Variants in INTS7 observed in about 807,000 individuals in gnomAD.
INTS7 encodes chromosome 1 open reading frame 73.
INTS7 carries 46 observed loss-of-function variants against 109.2 expected under a neutral mutation model. The observed-to-expected ratio is 0.42, with a 90% CI of 0.33 to 0.54. INTS7 has a LOEUF of 0.54. INTS7 is among the 20% of genes least tolerant of loss of function. The pLI is 0.07. For missense variants in INTS7, 929 were observed against 1,132.4 expected, an observed-to-expected ratio of 0.82 and a Z score of 2.58; for synonymous variants, 412 against 402.9, an observed-to-expected ratio of 1.02 and a Z score of -0.27.
At chr1:212,023,299 T>G (rs1666787331) in intron 1 of INTS7, among the ~76,000 whole-genome samples, 1 of 152,228 alleles carries the variant, frequency 6.6e-6, no homozygotes, top group African/African-American at 2.4e-5. Context: ...GAATGGCAGT[T>G]CTAAGTTCTT....
At chr1:211,951,065 G>T (rs1198779000) in intron 17 of INTS7, among the ~76,000 whole-genome samples, 1 of 152,138 alleles carries the variant, frequency 6.6e-6, no homozygotes, top group Non-Finnish European at 1.5e-5. Flanking sequence ...CCCATCTTTA[G>T]ATCTAACCTA....
chr1:212,021,395 G>A (rs115964279), intron 1 of INTS7, among the ~76,000 whole-genome samples, 183 bp from the exon 2 acceptor site: 3,984 of 151,776 alleles, frequency 0.026, 58 homozygotes, highest in African/African-American at 0.046. Context: ...TCTGGAAATC[G>A]CTACTTTTAG....
At chr1:212,014,549 C>G (rs1469571140) in intron 4 of INTS7, among the ~76,000 whole-genome samples, 1 of 150,860 alleles carries the variant, frequency 6.6e-6, no homozygotes, top group African/African-American at 2.4e-5. Flanking sequence ...TATCCTCTCC[C>G]TCCCCCTCCC....
intron 13 of INTS7, among the ~76,000 whole-genome samples, chr1:211,972,891 A>T (rs900646879): frequency 7.2e-5 from 11 of 152,194 alleles, no homozygotes; most frequent in African/African-American, 2.7e-4. Flanking sequence ...ACTGGCCCTC[A>T]CAGACACCTT....
At chr1:211,963,309 G>A (rs1663726409) in intron 16 of INTS7, among the ~76,000 whole-genome samples, 1 of 151,994 alleles carries the variant, frequency 6.6e-6, no homozygotes, top group Non-Finnish European at 1.5e-5. Context: ...AATCCCTGAT[G>A]AGACAAATAA....
At chr1:211,962,686 C>A (rs573730701) in intron 16 of INTS7, among the ~76,000 whole-genome samples, 1 of 152,248 alleles carries the variant, frequency 6.6e-6, no homozygotes, top group South Asian at 2.1e-4. Context: ...CTTTCTTGGA[C>A]CACAGCACAA....
At chr1:212,012,358 A>G (rs1666199513) in intron 4 of INTS7, among the ~76,000 whole-genome samples, 1 of 152,174 alleles carries the variant, frequency 6.6e-6, no homozygotes, top group East Asian at 1.9e-4. Context: ...AAAACTGATC[A>G]ATACAGATAC....
chr1:211,966,167 T>C (rs939688487), intron 16 of INTS7: 1 of 228,956 alleles, frequency 4.4e-6, no homozygotes, highest in South Asian at 1.5e-4. Context: ...TTTCGTAGTA[T>C]AATTATAATA....
At position 211,978,263 on chromosome 1, in the gene INTS7, G is replaced by A. The variant is rs758730292; in HGVS notation, c.1470+9C>T. ...GTCATTCAAAGGAGATTCAAAATGG[G>A]CTTTTTACCAGAAGTTCTTGTTGCT... On this transcript the variant is annotated intron_variant, in intron 11 of 19. Coordinates refer to ENST00000366994, the MANE Select transcript of INTS7 (RefSeq NM_015434.4). 6.4e-5 allele frequency: 104 copies of A among 1,613,756 alleles called. No individual in the cohort carries two copies. The Admixed American group carries it at 1.7e-3, about 26-fold the overall frequency.
At chr1:211,984,025 G>A (rs1315558316) in intron 8 of INTS7, among the ~76,000 whole-genome samples, 1 of 151,722 alleles carries the variant, frequency 6.6e-6, no homozygotes, top group Non-Finnish European at 1.5e-5. Flanking sequence ...CACCATACCT[G>A]GCTAATTTTG....
intron 17 of INTS7, among the ~76,000 whole-genome samples, chr1:211,950,680 C>T (rs1390696037): frequency 2.0e-5 from 3 of 152,236 alleles, no homozygotes; most frequent in African/African-American, 7.2e-5. Flanking sequence ...ATGTTTTCTA[C>T]TTCATATAAA....
intron 1 of INTS7, among the ~76,000 whole-genome samples, chr1:212,033,389 T>C (rs1667257826): frequency 6.6e-6 from 1 of 152,248 alleles, no homozygotes; most frequent in Non-Finnish European, 1.5e-5. Flanking sequence ...CAAGTCATCT[T>C]TCTGAGCCTG....
chr1:212,025,000 T>G (rs1276099439), intron 1 of INTS7, among the ~76,000 whole-genome samples: 1 of 152,244 alleles, frequency 6.6e-6, no homozygotes, highest in Non-Finnish European at 1.5e-5. Flanking sequence ...CTAATTTGAC[T>G]CTAAATGAAA....
rs1005232798 is a variant in INTS7, at chr1:211,941,721, A to G, written c.*103T>C. The G allele has an allele frequency of 7.5e-6, 11 of 1,464,388 alleles. No homozygotes were observed. Among genetic ancestry groups the G allele is most frequent in the Non-Finnish European group, 1.0e-5 (11 of 1,090,192 alleles). 90.7% of individuals were successfully genotyped at this position (1,464,388 alleles called of 1,614,324 possible). On this transcript the variant is annotated 3_prime_UTR_variant, in exon 20 of 20. Coordinates refer to ENST00000366994, the MANE Select transcript of INTS7 (RefSeq NM_015434.4). ...TTACATTACAAAAATCAATGAATAA[A>G]TGAACTACACTGTAACTTTAATACT...
chr1:211,962,436 G>C (rs1663676954), intron 16 of INTS7, among the ~76,000 whole-genome samples: 1 of 152,140 alleles, frequency 6.6e-6, no homozygotes, highest in Non-Finnish European at 1.5e-5. Flanking sequence ...ATAATGGTGA[G>C]AGAATTCAAC....
At chr1:211,999,731 C>T (rs1296974483) in intron 7 of INTS7, among the ~76,000 whole-genome samples, 2 of 151,840 alleles carry the variant, frequency 1.3e-5, no homozygotes, top group Non-Finnish European at 2.9e-5. Context: ...CATTATTAAA[C>T]GGAAAAAATA....
chr1:211,950,437 A>G lies in INTS7; in HGVS notation c.2316+2132T>C, dbSNP rs1356347842. 2.6e-5 allele frequency among the ~76,000 whole-genome samples: 4 copies of G among 152,228 alleles called. No individual in the cohort carries two copies. In the East Asian group the frequency reaches 7.7e-4, roughly 29 times the overall value. ...CAGGTGCTTGACATCATGCCTGGCT[A>G]ATTTTGGTAGTTTTAGTACAGATGG... On this transcript the variant is annotated intron_variant, in intron 17 of 19. Coordinates refer to ENST00000366994, the MANE Select transcript of INTS7 (RefSeq NM_015434.4).
At chr1:211,988,509 T>A (rs570654648) in intron 7 of INTS7, among the ~76,000 whole-genome samples, 2 of 151,428 alleles carry the variant, frequency 1.3e-5, no homozygotes, top group Admixed American at 6.6e-5. Context: ...ATGTAAACTA[T>A]GTTGATACAT....
rs780667847 is a variant in INTS7 at position 211,942,102 on chromosome 1, C to T, written c.2611G>A (p.Asp871Asn). The T allele has an allele frequency of 4.3e-6, 7 of 1,613,348 alleles. No individual in the cohort carries two copies. The highest frequency in any genetic ancestry group is 5.9e-6 in the Non-Finnish European group (7 of 1,179,478). Reference sequence around the variant, plus strand: ...TGCTCCATCTCATTGGTCATGTTGTCAATGGGTATCTGCAATGAAACAATT... The same window carrying T: ...TGCTCCATCTCATTGGTCATGTTGTTAATGGGTATCTGCAATGAAACAATT... ...KSGQDYKIPI[D>N]NMTNEMEQRV... The change falls in exon 20 of 20, where the codon GAC (aspartate) becomes AAC (asparagine). Residue 871 changes from aspartate to asparagine, a missense_variant. Asp to Asn is a conservative substitution (Grantham distance 23). Transcript: ENST00000366994. This position sits in a 1 kb window ranked among gnomAD's most constrained non-coding sequence, Gnocchi z 4.2.
Sources: gnomAD v4.1 joint callset for allele counts (sites outside exome capture counted in the v4.1 genomes callset) on GRCh38, gnomAD v4.1.1 for gene constraint, Gnocchi (gnomAD v3.1) non-coding constraint, MANE v1.5 for transcripts, NCBI Gene and HGNC (gene_info 2026-07-23, HGNC 2026-07-21) for gene names.